Variants in ADI1 observed in about 807,000 individuals in gnomAD.
ADI1 encodes the protein acireductone dioxygenase.
ADI1 carries 21 observed loss-of-function variants against 18.7 expected under a neutral mutation model. The observed-to-expected ratio is 1.13, with a 90% confidence interval of 0.80 to 1.62. The LOEUF (loss-of-function observed/expected upper bound fraction) is 1.62. Among genes scored for constraint, ADI1 ranks in the 40% most tolerant of loss-of-function variants. ADI1 has a pLI of 0.00. For missense variants in ADI1, 245 were observed against 254.9 expected (o/e 0.96, Z 0.26); for synonymous variants, 90 against 100.1 (o/e 0.90, Z 0.60).
intron 2 of ADI1, among the ~76,000 whole-genome samples, chr2:3,505,100 G>A (rs999061089): frequency 6.6e-6 from 1 of 152,228 alleles, no homozygotes; most frequent in Non-Finnish European, 1.5e-5. Context: ...GTTCACCTGT[G>A]TATGTTTGTA....
At position 3,513,920 on chromosome 2, in the gene ADI1, C is replaced by A; in HGVS notation, c.177G>T (p.Arg59Ser). Residue 59 changes from arginine to serine, a missense_variant, in exon 2 of 4, where the codon AGG becomes AGT. Coordinates refer to ENST00000327435, the MANE Select transcript of ADI1 (RefSeq NM_018269.4). Reference sequence around the variant, plus strand: ...TTATGATGTCCATCCAGGAGTAGTTCCTCTCTCTTCGGATCTTTTCTAATT... The same window carrying A: ...TTATGATGTCCATCCAGGAGTAGTTACTCTCTCTTCGGATCTTTTCTAATT... ...DPELEKIRRE[R>S]NYSWMDIITI... The A allele has an allele frequency of 6.2e-7, 1 of 1,612,130 alleles. No individual in the cohort carries two copies. Among genetic ancestry groups the A allele is most frequent in the Non-Finnish European group, 8.5e-7 (1 of 1,179,582 alleles).
intron 2 of ADI1, among the ~76,000 whole-genome samples, chr2:3,509,657 G>T (rs560637388): frequency 6.6e-6 from 1 of 151,846 alleles, no homozygotes; most frequent in South Asian, 2.1e-4. Flanking sequence ...AAAGTATATC[G>T]AAATTATCAA....
chr2:3,511,958 G>A (rs574586568), intron 2 of ADI1, among the ~76,000 whole-genome samples: 24 of 152,330 alleles, frequency 1.6e-4, no homozygotes, highest in Admixed American at 1.2e-3. Flanking sequence ...ACTTGAGAGT[G>A]ATGCCTAGGG....
At chr2:3,501,824 G>C (rs2103201859) in intron 2 of ADI1, among the ~76,000 whole-genome samples, 1 of 152,086 alleles carries the variant, frequency 6.6e-6, no homozygotes, top group Non-Finnish European at 1.5e-5. Flanking sequence ...CACCACGCCT[G>C]GTCTGACTTT....
chr2:3,516,750 C>G lies in ADI1; in HGVS notation c.120+2618G>C, dbSNP rs576599364. Reference sequence around the variant, plus strand: ...GTTTATTCCAAGCTAAAATAATCTTCCAATTGTTTGTATGTATGACAAAAG... The same window carrying G: ...GTTTATTCCAAGCTAAAATAATCTTGCAATTGTTTGTATGTATGACAAAAG... On this transcript the variant is annotated intron_variant, in intron 1 of 3. Transcript: ENST00000327435. The G allele has an allele frequency of 4.1e-6, 4 of 985,182 alleles. No individual in the cohort carries two copies. The South Asian group carries it at 1.9e-4, about 46-fold the overall frequency. The allele number at this position is 985,182 out of a possible 1,614,324, so 61.0% of individuals were successfully genotyped here. A position where few individuals can be genotyped will look rare whatever the true frequency, so the allele number is the denominator to read the frequency against.
Position 3,498,695 on chromosome 2 carries a change from TG to T in ADI1, c.*267del. The T allele has an allele frequency of 2.7e-6, 1 of 367,312 alleles. No individual in the cohort carries two copies. Among genetic ancestry groups the T allele is most frequent in the Non-Finnish European group, 4.8e-6 (1 of 210,414 alleles). The allele number at this position is 367,312 out of a possible 1,614,324, so 22.8% of individuals were successfully genotyped here. ...CATTTCGGGAGATGAAACTTTCATT[TG>T]GGACTCAACTGAATGCATGAACTAA... On this transcript the variant is annotated 3_prime_UTR_variant, in exon 4 of 4. Coordinates refer to ENST00000327435, the MANE Select transcript of ADI1 (RefSeq NM_018269.4).
At chr2:3,504,504 G>C (rs1408098859) in intron 2 of ADI1, among the ~76,000 whole-genome samples, 1 of 152,188 alleles carries the variant, frequency 6.6e-6, no homozygotes, top group African/African-American at 2.4e-5. Flanking sequence ...AGAATCTAAT[G>C]AACTGTAGGG....
At chr2:3,501,026 C>G in intron 2 of ADI1, 33 bp from the exon 3 acceptor site, 1 of 1,540,382 alleles carries the variant, frequency 6.5e-7, no homozygotes, top group East Asian at 2.3e-5. Context: ...GTGAGTCTAC[C>G]AGAGACCTGT....
At chr2:3,500,503 G>A in intron 3 of ADI1, 1 of 288,122 alleles carries the variant, frequency 3.5e-6, no homozygotes, top group Non-Finnish European at 5.7e-6. Flanking sequence ...GCTGGGGCAG[G>A]GCCAGGCTCG....
In ADI1 at chr2:3,498,899, T is replaced by C. The variant is rs1666924725; in HGVS notation, c.*64A>G. On this transcript the variant is annotated 3_prime_UTR_variant, in exon 4 of 4. Transcript: ENST00000327435. ...CTAAAAGCAAAGAGAAAGTGATTGA[T>C]TTTCTGCTCAGTCATTACATTGGGG... 1 of 1,540,818 alleles carries C rather than the reference T, an allele frequency of 6.5e-7. No homozygotes were observed. The highest frequency in any genetic ancestry group is 8.8e-7 in the Non-Finnish European group (1 of 1,137,238).
chr2:3,504,794 T>C (rs1048451745), intron 2 of ADI1, among the ~76,000 whole-genome samples: 2 of 151,834 alleles, frequency 1.3e-5, no homozygotes, highest in East Asian at 1.9e-4. Context: ...GTTTGTATTG[T>C]TGGTTCACCT....
At chr2:3,517,045 T>A in intron 1 of ADI1, 3 of 625,470 alleles carry the variant, frequency 4.8e-6, no homozygotes, top group Non-Finnish European at 6.0e-6. Context: ...TGTTTTGGAC[T>A]GAGCCCCTGC....
intron 2 of ADI1, among the ~76,000 whole-genome samples, chr2:3,503,242 A>C (rs1391220675): frequency 6.8e-6 from 1 of 147,778 alleles, no homozygotes; most frequent in Admixed American, 6.7e-5. Context: ...TCTCATGTGC[A>C]TTCACACACA....
At chr2:3,504,955 TTCTGTTCACCTGTGTATGTTTGTATTG>T (rs796262186) in intron 2 of ADI1, among the ~76,000 whole-genome samples, 3 of 150,688 alleles carry the variant, frequency 2.0e-5, no homozygotes, top group Non-Finnish European at 4.4e-5. Context: ...TGTTTGTATT[TTCTGTTCACCTGTGTATGTTTGTATTG>T]TCTGTTCACC....
intron 3 of ADI1, 58 bp from the exon 4 acceptor site, chr2:3,499,140 TA>T (rs373771750): frequency 8.9e-6 from 14 of 1,575,214 alleles, no homozygotes; most frequent in Admixed American, 5.4e-5. Context: ...TTCTACTTAG[TA>T]TTTATTAACA....
intron 3 of ADI1, chr2:3,500,518 TGTGTACCTGCCGCCGC>T (rs1370611526): frequency 6.1e-6 from 2 of 329,010 alleles, no homozygotes; most frequent in Non-Finnish European, 1.0e-5. Flanking sequence ...GGCTCGTGGG[TGTGTACCTGCCGCCGC>T]ATGTACCTGC....
At chr2:3,504,308 T>C (rs1331393285) in intron 2 of ADI1, among the ~76,000 whole-genome samples, 2 of 152,190 alleles carry the variant, frequency 1.3e-5, no homozygotes, top group African/African-American at 4.8e-5. Context: ...AAACAAAGAA[T>C]AAGCCGGTAT....
chr2:3,519,422 G>A lies in ADI1; in HGVS notation c.66C>T (p.Pro22=), dbSNP rs1377509937. The A allele has an allele frequency of 7.2e-7, 1 of 1,381,854 alleles. No individual in the cohort carries two copies. Among genetic ancestry groups the A allele is most frequent in the South Asian group, 1.7e-5 (1 of 60,130 alleles). 85.6% of individuals were successfully genotyped at this position (1,381,854 alleles called of 1,614,324 possible). The change falls in exon 1 of 4, where the codon CCC becomes CCT. Residue 22 remains proline (P), a synonymous_variant. Coordinates refer to ENST00000327435, the MANE Select transcript of ADI1 (RefSeq NM_018269.4). ...GDPRQPHRPD[P]GRPVGLEQLR... is the part of the protein sequence containing the mutation. The stretch of plus-strand genomic sequence containing the variant: ...GCTGCTCCAGGCCCACTGGGCGGCC[G>A]GGGTCGGGGCGGTGGGGTTGCCGCG...
In ADI1 at chr2:3,517,046, G is replaced by A. The variant is rs552122024; in HGVS notation, c.120+2322C>T. ...CCAGGAGAGGTCACTGTTTTGGACT[G>A]AGCCCCTGCACTAGGCCCCAGGATG... On this transcript the variant is annotated intron_variant, in intron 1 of 3. Coordinates refer to ENST00000327435, the MANE Select transcript of ADI1 (RefSeq NM_018269.4). 113 of 614,104 alleles carry A rather than the reference G, an allele frequency of 1.8e-4. 1 individual carries two copies. The African/African-American group carries it at 2.1e-3, about 11-fold the overall frequency. The allele number at this position is 614,104 out of a possible 1,614,324, so 38.0% of individuals were successfully genotyped here.
Sources: allele counts gnomAD v4.1 joint callset (sites outside exome capture counted in the v4.1 genomes callset), GRCh38; gene constraint gnomAD v4.1.1; transcripts MANE v1.5; gene names NCBI Gene and HGNC (gene_info 2026-07-23, HGNC 2026-07-21).